Variants in CTIF observed in about 807,000 individuals in gnomAD.
The protein encoded by CTIF is CBP80/20-dependent translation initiation factor.
Under a neutral mutation model 66.0 loss-of-function variants are expected in CTIF, and 21 were observed. The observed-to-expected ratio is 0.32, with a 90% CI of 0.23 to 0.46. The LOEUF is 0.46. Ranked by LOEUF, CTIF falls within the 20% of genes least tolerant of loss-of-function variation. CTIF has a pLI of 1.00. For synonymous variants in CTIF, 345 were observed against 326.4 expected (o/e 1.06, Z -0.62); for missense variants, 739 against 812.7 (o/e 0.91, Z 1.10).
chr18:48,740,644 G>C (rs1049399798), intron 7 of CTIF, among the ~76,000 whole-genome samples: 1 of 152,162 alleles, frequency 6.6e-6, no homozygotes, highest in African/African-American at 2.4e-5. Flanking sequence ...AGGATGTCCT[G>C]GGCTACTCAG....
intron 7 of CTIF, among the ~76,000 whole-genome samples, chr18:48,749,128 C>T (rs534905159): frequency 6.6e-6 from 1 of 152,344 alleles, no homozygotes; most frequent in East Asian, 1.9e-4. Flanking sequence ...TGTTCCACCA[C>T]ACCAAGGTGG....
intron 2 of CTIF, among the ~76,000 whole-genome samples, chr18:48,623,423 G>C (rs989789800): frequency 2.0e-5 from 3 of 152,162 alleles, no homozygotes; most frequent in African/African-American, 7.2e-5. Flanking sequence ...AAGAGGGACG[G>C]CTGTGGCCCA....
intron 9 of CTIF, among the ~76,000 whole-genome samples, chr18:48,813,036 A>G (rs2068293163): frequency 6.8e-6 from 1 of 146,704 alleles, no homozygotes; most frequent in African/African-American, 2.5e-5. Flanking sequence ...CTTTGTATTC[A>G]GCTTTCTGGT....
intron 2 of CTIF, among the ~76,000 whole-genome samples, chr18:48,635,451 G>A (rs2090801607): frequency 6.6e-6 from 1 of 150,746 alleles, no homozygotes; most frequent in Non-Finnish European, 1.5e-5. Context: ...AGCCTCCCAA[G>A]TAGCTAGGAC....
intron 3 of CTIF, among the ~76,000 whole-genome samples, chr18:48,660,131 G>A (rs1416936186): frequency 2.7e-5 from 4 of 145,686 alleles, no homozygotes; most frequent in African/African-American, 7.7e-5. Flanking sequence ...CAGGGATATC[G>A]CTAGGTTTCT....
chr18:48,562,110 GT>G (rs915598380), intron 1 of CTIF, among the ~76,000 whole-genome samples: 2 of 152,062 alleles, frequency 1.3e-5, no homozygotes, highest in Admixed American at 6.5e-5. Context: ...TAGCCATACT[GT>G]TTTTTTTCTG....
At chr18:48,626,649 T>A (rs2090606592) in intron 2 of CTIF, among the ~76,000 whole-genome samples, 1 of 130,998 alleles carries the variant, frequency 7.6e-6, no homozygotes, top group African/African-American at 3.4e-5. Context: ...CTGGCCGTTT[T>A]TTTTTTGTTT....
At chr18:48,758,504 G>A (rs1908644326) in intron 8 of CTIF, 99 bp downstream of exon 8, 11 of 1,431,380 alleles carry the variant, frequency 7.7e-6, no homozygotes, top group South Asian at 1.4e-5. Context: ...TTGTGGGTTT[G>A]AGGGTCTAGG....
intron 7 of CTIF, among the ~76,000 whole-genome samples, chr18:48,716,959 G>C (rs1450438306): frequency 6.6e-6 from 1 of 152,236 alleles, no homozygotes; most frequent in African/African-American, 2.4e-5. Context: ...AGGACTAGAG[G>C]CAGGGGAGCG....
At chr18:48,685,752 C>T (rs11082694) in intron 6 of CTIF, among the ~76,000 whole-genome samples, 1 of 152,022 alleles carries the variant, frequency 6.6e-6, no homozygotes, top group Non-Finnish European at 1.5e-5. Flanking sequence ...TCTCAAGTCA[C>T]TGCAACCTCT....
chr18:48,739,482 T>G (rs1422675189), intron 7 of CTIF, among the ~76,000 whole-genome samples: 1 of 152,212 alleles, frequency 6.6e-6, no homozygotes, highest in Non-Finnish European at 1.5e-5. Flanking sequence ...GTACAAACCC[T>G]GCTCTGGCCC....
In CTIF at chr18:48,842,077, G is replaced by C. The variant is rs1206952851; in HGVS notation, c.1528-15511G>C. On this transcript the variant is annotated intron_variant, in intron 10 of 11. Transcript: ENST00000256413. ...ATATCAATGTATTTGGTCCTGCCAG[G>C]GGGTGGGAGGGTTGGAGAGACGGGG... Among the ~76,000 whole-genome samples, 3 of 152,254 alleles carry C rather than the reference G, an allele frequency of 2.0e-5. No individual in the cohort carries two copies. The East Asian group carries it at 5.8e-4, about 29-fold the overall frequency.
chr18:48,846,049 T>A (rs918427639), intron 10 of CTIF, among the ~76,000 whole-genome samples: 5 of 152,260 alleles, frequency 3.3e-5, no homozygotes, highest in Non-Finnish European at 1.5e-5. Flanking sequence ...ATTACTATGC[T>A]ACTCTCCAGT....
In CTIF at chr18:48,555,379, G is replaced by C. The variant is rs1305773306; in HGVS notation, c.-29+16067G>C. Among the ~76,000 whole-genome samples the C allele has an allele frequency of 3.9e-5, 6 of 152,230 alleles. No individual in the cohort carries two copies. The East Asian group carries it at 1.2e-3, about 29-fold the overall frequency. ...AGGCCACCTCATCTGAGTCCCCTTT[G>C]AGTGGCCCAGGGAGCTAAGGTCAAG... On this transcript the variant is annotated intron_variant, in intron 1 of 11. Transcript: ENST00000256413.
At chr18:48,795,281 G>C (rs912979518) in intron 9 of CTIF, among the ~76,000 whole-genome samples, 1 of 152,088 alleles carries the variant, frequency 6.6e-6, no homozygotes, top group African/African-American at 2.4e-5. Context: ...TCGCTCCCTA[G>C]ACCCCTTCAG....
chr18:48,629,185 C>T (rs563377312), intron 2 of CTIF, among the ~76,000 whole-genome samples: 68 of 150,956 alleles, frequency 4.5e-4, no homozygotes, highest in African/African-American at 1.6e-3. Flanking sequence ...TCCACCACCA[C>T]CTATGCATTC....
intron 7 of CTIF, among the ~76,000 whole-genome samples, chr18:48,715,730 C>T (rs181579715): frequency 1.3e-5 from 2 of 152,330 alleles, no homozygotes; most frequent in East Asian, 3.9e-4. Flanking sequence ...CCCTGGGAAG[C>T]AGGCTCTGGG....
chr18:48,722,832 T>G (rs1313627228), intron 7 of CTIF, among the ~76,000 whole-genome samples: 2 of 152,212 alleles, frequency 1.3e-5, no homozygotes, highest in Non-Finnish European at 2.9e-5. Context: ...GTGTAAGCAC[T>G]TGGCTGTACT....
chr18:48,848,120 C>G (rs558422018), intron 10 of CTIF, among the ~76,000 whole-genome samples: 1 of 152,320 alleles, frequency 6.6e-6, no homozygotes, highest in South Asian at 2.1e-4. Flanking sequence ...TCCCCCTGTC[C>G]CCTTTGTCTC....
Sources: allele counts gnomAD v4.1 joint callset (sites outside exome capture counted in the v4.1 genomes callset), GRCh38; gene constraint gnomAD v4.1.1; transcripts MANE v1.5; gene names NCBI Gene and HGNC (gene_info 2026-07-23, HGNC 2026-07-21).